The following RIPOR2 variants were observed in gnomAD, a reference collection of about 807,000 sequenced individuals.
RIPOR2 encodes the protein rho family-interacting cell polarization regulator 2.
RIPOR2 carries 39 observed loss-of-function variants against 114.5 expected under a neutral mutation model. That is an observed-to-expected ratio of 0.34 (90% CI 0.26 to 0.44). RIPOR2 has a LOEUF of 0.44. Ranked by LOEUF, RIPOR2 falls within the 20% of genes least tolerant of loss-of-function variation. RIPOR2 has a pLI of 1.00. For missense variants in RIPOR2, 1,007 were observed against 1,255.1 expected (o/e 0.80, Z 2.99); for synonymous variants, 445 against 484.4 (o/e 0.92, Z 1.07).
chr6:24,866,172 TAAG>T (rs1263990234), intron 6 of RIPOR2, among the ~76,000 whole-genome samples: 1 of 152,180 alleles, frequency 6.6e-6, no homozygotes, highest in Non-Finnish European at 1.5e-5. Flanking sequence ...ACTGAACACT[TAAG>T]AACTCAACTC....
At chr6:25,028,271 A>G (rs907361528) in intron 1 of RIPOR2, among the ~76,000 whole-genome samples, 8 of 152,100 alleles carry the variant, frequency 5.3e-5, no homozygotes, top group African/African-American at 1.4e-4. Context: ...GTGCATTTCA[A>G]CCGGGCCCAT....
At chr6:24,981,519 C>T (rs1774296024) in intron 1 of RIPOR2, among the ~76,000 whole-genome samples, 1 of 152,238 alleles carries the variant, frequency 6.6e-6, no homozygotes, top group African/African-American at 2.4e-5. Flanking sequence ...TGCTAGCCAG[C>T]TAGGCCTTTC....
At chr6:24,920,753 C>T (rs959381771) in intron 1 of RIPOR2, among the ~76,000 whole-genome samples, 6 of 152,150 alleles carry the variant, frequency 3.9e-5, no homozygotes, top group Non-Finnish European at 7.4e-5. Flanking sequence ...CTCCTGATTC[C>T]GCATCACAGC....
chr6:24,963,327 C>T (rs1773389233), intron 1 of RIPOR2, among the ~76,000 whole-genome samples: 1 of 152,182 alleles, frequency 6.6e-6, no homozygotes, highest in Non-Finnish European at 1.5e-5. Context: ...GTCACCATGC[C>T]TGGTCGCATG....
intron 12 of RIPOR2, among the ~76,000 whole-genome samples, chr6:24,846,837 T>C (rs980551097): frequency 6.6e-6 from 1 of 152,214 alleles, no homozygotes; most frequent in Non-Finnish European, 1.5e-5. Context: ...GGATATCTTT[T>C]TATCGAAGTG....
chr6:24,920,323 T>C (rs923718977), intron 1 of RIPOR2, among the ~76,000 whole-genome samples: 3 of 152,200 alleles, frequency 2.0e-5, no homozygotes, highest in South Asian at 2.1e-4. Context: ...TTGGTATGCA[T>C]AGCACCAAAT....
At chr6:25,032,841 G>A (rs1312448082) in intron 1 of RIPOR2, among the ~76,000 whole-genome samples, 1 of 152,190 alleles carries the variant, frequency 6.6e-6, no homozygotes, top group East Asian at 1.9e-4. Context: ...CCTGTTTGAA[G>A]AAATGTATTG....
chr6:24,954,336 C>T (rs1403307685), intron 1 of RIPOR2, among the ~76,000 whole-genome samples: 2 of 152,150 alleles, frequency 1.3e-5, no homozygotes, highest in Non-Finnish European at 2.9e-5. Flanking sequence ...GAAGGGAGAA[C>T]TCCAACTTTG....
intron 1 of RIPOR2, among the ~76,000 whole-genome samples, chr6:25,036,827 A>G (rs1002137391): frequency 6.6e-6 from 1 of 152,170 alleles, no homozygotes; most frequent in African/African-American, 2.4e-5. Flanking sequence ...AACAGGAGTC[A>G]CACCCCTAGG....
intron 1 of RIPOR2, among the ~76,000 whole-genome samples, chr6:24,996,768 C>T (rs1212981362): frequency 6.6e-6 from 1 of 152,214 alleles, no homozygotes; most frequent in Non-Finnish European, 1.5e-5. Flanking sequence ...GTGACTCAGG[C>T]ACTTTATACA....
intron 1 of RIPOR2, among the ~76,000 whole-genome samples, chr6:24,900,096 G>C (rs1396817184): frequency 6.6e-6 from 1 of 152,234 alleles, no homozygotes; most frequent in Non-Finnish European, 1.5e-5. Context: ...GAGTTGCTAA[G>C]CCAAAAGATC....
chr6:25,035,664 A>G (rs956755071), intron 1 of RIPOR2, among the ~76,000 whole-genome samples: 19 of 152,284 alleles, frequency 1.2e-4, no homozygotes, highest in African/African-American at 4.3e-4. Context: ...GAGTGTGGTC[A>G]AGGCCTGACC....
intron 1 of RIPOR2, among the ~76,000 whole-genome samples, chr6:24,891,104 A>T (rs182986047): frequency 1.4e-4 from 21 of 152,358 alleles, no homozygotes; most frequent in Admixed American, 3.9e-4. Flanking sequence ...ACCCAGTGTC[A>T]AAGAGTTATT....
At chr6:25,017,564 T>C (rs1404687174) in intron 1 of RIPOR2, among the ~76,000 whole-genome samples, 1 of 152,226 alleles carries the variant, frequency 6.6e-6, no homozygotes, top group Non-Finnish European at 1.5e-5. Context: ...ACAAAGTCCT[T>C]CCGGCCCTCT....
Position 24,859,736 on chromosome 6 carries a change from C to T in RIPOR2, c.715+1237G>A, listed in dbSNP as rs973272185. Among the ~76,000 whole-genome samples the T allele has an allele frequency of 3.9e-5, 6 of 152,142 alleles. No individual in the cohort carries two copies. In the East Asian group the frequency reaches 5.8e-4, roughly 15 times the overall value. ...TTACATGTCAGTGCCTAGTGCTTGA[C>T]AGAATAATTTCCCTCCTGAGTTAGA... On this transcript the variant is annotated intron_variant, in intron 8 of 21. Transcript: ENST00000643898.
At chr6:24,925,713 A>G (rs908965935) in intron 1 of RIPOR2, among the ~76,000 whole-genome samples, 90 of 152,176 alleles carry the variant, frequency 5.9e-4, no homozygotes, top group African/African-American at 2.1e-3. Flanking sequence ...AAAAAAAAAA[A>G]AATTTGGTTC....
intron 1 of RIPOR2, chr6:24,976,432 C>A: frequency 6.4e-7 from 1 of 1,559,674 alleles, no homozygotes; most frequent in Non-Finnish European, 8.8e-7. Context: ...GTCAACCCCA[C>A]CATGTTCTTC....
In RIPOR2 at chr6:24,987,897, A is replaced by T. The variant is rs565029065; in HGVS notation, c.76+53954T>A. Reference sequence around the variant, plus strand: ...TAAACCAGGCCTATACTGTCTTGTCATCAACAGATGGTTCCTGTTTTTCCC... The same window carrying T: ...TAAACCAGGCCTATACTGTCTTGTCTTCAACAGATGGTTCCTGTTTTTCCC... On this transcript the variant is annotated intron_variant, in intron 1 of 13. Coordinates refer to the RIPOR2 transcript ENST00000510784. Among the ~76,000 whole-genome samples the T allele has an allele frequency of 3.9e-4, 59 of 152,362 alleles. 2 individuals are homozygous for T. In the South Asian group the frequency reaches 0.012, roughly 31 times the overall value.
intron 1 of RIPOR2, among the ~76,000 whole-genome samples, chr6:24,966,108 C>T (rs368493131): frequency 5.4e-4 from 83 of 152,334 alleles, no homozygotes; most frequent in African/African-American, 1.8e-3. Flanking sequence ...TCCTTTGGCT[C>T]TGGTACAATT....
Sources: gnomAD v4.1 joint callset for allele counts (sites outside exome capture counted in the v4.1 genomes callset) on GRCh38, gnomAD v4.1.1 for gene constraint, MANE v1.5 for transcripts, NCBI Gene and HGNC (gene_info 2026-07-23, HGNC 2026-07-21) for gene names.